Variants in PCNP observed in about 807,000 individuals in gnomAD.
PCNP encodes PEST proteolytic signal containing nuclear protein, also known as PEST proteolytic signal-containing nuclear protein.
Under a neutral mutation model 21.8 loss-of-function variants are expected in PCNP, and 6 were observed. The ratio of observed to expected loss-of-function variants is 0.28; its 90% CI spans 0.15 to 0.54. PCNP has a LOEUF of 0.54. Ranked by LOEUF, PCNP falls within the 20% of genes least tolerant of loss-of-function variation. PCNP has a pLI of 0.95. For synonymous variants in PCNP, 67 were observed against 73.2 expected, an observed-to-expected ratio of 0.92 and a Z score of 0.43; for missense variants, 161 against 215.5, an observed-to-expected ratio of 0.75 and a Z score of 1.58.
chr3:101,574,100 A>G (rs937503814), upstream of PCNP: 66 of 1,410,896 alleles, frequency 4.7e-5, no homozygotes, highest in African/African-American at 9.6e-4. Flanking sequence ...GCCTCTTTTC[A>G]TTCCTCGGGA....
intron 2 of PCNP, among the ~76,000 whole-genome samples, chr3:101,582,562 A>G (rs1266151301): frequency 6.6e-6 from 1 of 152,266 alleles, no homozygotes; most frequent in Admixed American, 6.5e-5. Context: ...TAATCAGCCA[A>G]CAAATGCTTA....
chr3:101,574,274 C>T lies in PCNP; in HGVS notation c.59C>T (p.Ala20Val). 5 of 1,545,356 alleles carry T rather than the reference C, an allele frequency of 3.2e-6. No homozygotes were observed. In the South Asian group the frequency reaches 6.0e-5, roughly 19 times the overall value. Reference sequence around the variant, plus strand: ...GAAAAGTCGCAGCGAGCTGGAGCCGCCGGAGGTGAACACAACCCCAGCGTC... The same window carrying T: ...GAAAAGTCGCAGCGAGCTGGAGCCGTCGGAGGTGAACACAACCCCAGCGTC... ...KPEKSQRAGA[A>V]GGPEEEAEKP... Residue 20 changes from alanine (A) to valine (V), a missense_variant, in exon 1 of 5, where the codon GCC becomes GTC. Physicochemically the swap from Ala to Val is moderately conservative, Grantham distance 64. Coordinates refer to ENST00000265260, the MANE Select transcript of PCNP (RefSeq NM_020357.3).
chr3:101,578,042 A>G (rs1935020199), intron 1 of PCNP, among the ~76,000 whole-genome samples: 2 of 152,156 alleles, frequency 1.3e-5, no homozygotes, highest in Admixed American at 6.5e-5. Context: ...TCCATGTTTT[A>G]TGTTCTAAAT....
chr3:101,590,183 A>C (rs1438823458), intron 3 of PCNP, 32 bp from the exon 4 acceptor site: 2 of 1,216,766 alleles, frequency 1.6e-6, no homozygotes, highest in East Asian at 4.7e-5. Context: ...GTTTGTATGC[A>C]GTTATCTTGG....
chr3:101,590,311 G>A lies in PCNP; in HGVS notation c.410+41G>A, dbSNP rs368781678. On this transcript the variant is annotated intron_variant, in intron 4 of 4. Coordinates refer to ENST00000265260, the MANE Select transcript of PCNP (RefSeq NM_020357.3). The stretch of plus-strand genomic sequence containing the variant: ...ATAAATATTATAGAAAGATACAAAG[G>A]TGAATTAACAAAAATAACTTGCACA... The A allele has an allele frequency of 1.9e-5, 20 of 1,026,196 alleles. No individual in the cohort carries two copies. In the African/African-American group the frequency reaches 2.4e-4, roughly 13 times the overall value. The allele number at this position is 1,026,196 out of a possible 1,614,324, so 63.6% of individuals were successfully genotyped here. A position where few individuals can be genotyped will look rare whatever the true frequency, so the allele number is the denominator to read the frequency against.
chr3:101,580,269 G>A (rs1211494918), intron 2 of PCNP, among the ~76,000 whole-genome samples: 1 of 152,134 alleles, frequency 6.6e-6, no homozygotes, highest in Non-Finnish European at 1.5e-5. Flanking sequence ...AATAAACTTA[G>A]AATTTTTCTG....
At chr3:101,574,338 C>G in intron 1 of PCNP, 59 bp downstream of exon 1, 2 of 1,479,178 alleles carry the variant, frequency 1.4e-6, no homozygotes, top group Non-Finnish European at 1.8e-6. Context: ...TCTTTGAGCT[C>G]CCAGGGTGGG....
intron 4 of PCNP, among the ~76,000 whole-genome samples, chr3:101,592,157 GTGTTTTT>G (rs1421665031): frequency 2.0e-5 from 3 of 151,222 alleles, no homozygotes; most frequent in East Asian, 2.0e-4. Context: ...GTTTTTTTGT[GTGTTTTT>G]TGTTTTTTGT....
Position 101,580,420 on chromosome 3 carries a change from TA to T in PCNP, c.279+426del, listed in dbSNP as rs987131898. ...TCTCTACAAAAAATAAAAATATAATTAAAAAAAAAATCTTTTTTCTAAGTTG... is the reference window on the plus strand; with the variant it reads ...TCTCTACAAAAAATAAAAATATAATTAAAAAAAAATCTTTTTTCTAAGTTG... On this transcript the variant is annotated intron_variant, in intron 2 of 4. Transcript: ENST00000265260. Among the ~76,000 whole-genome samples the T allele has an allele frequency of 1.4e-3, 201 of 148,886 alleles. 1 individual carries two copies. Among genetic ancestry groups the T allele is most frequent in the Non-Finnish European group, 4.9e-4 (33 of 67,138 alleles).
At chr3:101,585,659 CTA>C (rs1935460555) in intron 3 of PCNP, 148 bp downstream of exon 3, 1 of 555,624 alleles carries the variant, frequency 1.8e-6, no homozygotes, top group African/African-American at 1.9e-5. Context: ...ACTGGATACT[CTA>C]TTTTTGCATT....
At chr3:101,591,678 GC>G (rs1935814026) in intron 4 of PCNP, among the ~76,000 whole-genome samples, 2 of 151,150 alleles carry the variant, frequency 1.3e-5, no homozygotes, top group East Asian at 1.9e-4. Context: ...TTTTACAAAT[GC>G]TGGTGGCCAG....
At chr3:101,585,584 G>A in intron 3 of PCNP, 73 bp downstream of exon 3, 1 of 841,376 alleles carries the variant, frequency 1.2e-6, no homozygotes, top group Non-Finnish European at 1.9e-6. Context: ...CAAATTATAG[G>A]TTATAATAGT....
intron 2 of PCNP, among the ~76,000 whole-genome samples, chr3:101,583,959 C>T (rs896817414): frequency 4.6e-5 from 7 of 151,618 alleles, no homozygotes; most frequent in African/African-American, 1.5e-4. Context: ...CCCCTGTGCC[C>T]GGCTAGGTGA....
chr3:101,581,415 T>A (rs1009960282), intron 2 of PCNP, among the ~76,000 whole-genome samples: 7 of 151,480 alleles, frequency 4.6e-5, no homozygotes, highest in East Asian at 3.9e-4. Flanking sequence ...TTTTTTAATT[T>A]ATTTATTTAT....
chr3:101,577,145 A>G (rs1294059504), intron 1 of PCNP, among the ~76,000 whole-genome samples: 1 of 152,214 alleles, frequency 6.6e-6, no homozygotes, highest in Non-Finnish European at 1.5e-5. Context: ...TCTGTCTATG[A>G]GAGAAGCTAC....
intron 2 of PCNP, among the ~76,000 whole-genome samples, chr3:101,584,149 A>G (rs2108282532): frequency 6.6e-6 from 1 of 152,328 alleles, no homozygotes; most frequent in South Asian, 2.1e-4. Flanking sequence ...GTGAAACTAA[A>G]GTACCTAGGG....
At chr3:101,589,342 T>C (rs532156303) in intron 3 of PCNP, among the ~76,000 whole-genome samples, 22 of 152,192 alleles carry the variant, frequency 1.4e-4, no homozygotes, top group East Asian at 9.6e-4. Flanking sequence ...TAAAAACTTA[T>C]ATTTGAAAGG....
intron 1 of PCNP, among the ~76,000 whole-genome samples, chr3:101,574,536 G>A (rs1222342371): frequency 6.6e-6 from 1 of 152,234 alleles, no homozygotes; most frequent in African/African-American, 2.4e-5. Context: ...CCGAGGAGAA[G>A]GGAGATGGGC....
rs1387967851 is a variant in PCNP at position 101,585,878 on chromosome 3, A to G, written c.354+367A>G. Among the ~76,000 whole-genome samples the G allele has an allele frequency of 3.9e-5, 6 of 152,308 alleles. No individual in the cohort carries two copies. The South Asian group carries it at 6.2e-4, about 16-fold the overall frequency. On this transcript the variant is annotated intron_variant, in intron 3 of 4. Transcript: ENST00000265260. ...ATTATGCATGCATTCAATTTTAAAA[A>G]GCCAACTATTGGCTAGGCGCGGTGT...
Sources: gnomAD v4.1 joint callset for allele counts (sites outside exome capture counted in the v4.1 genomes callset) on GRCh38, gnomAD v4.1.1 for gene constraint, MANE v1.5 for transcripts, NCBI Gene and HGNC (gene_info 2026-07-23, HGNC 2026-07-21) for gene names.